Variants in RUNX1 observed in about 807,000 individuals in gnomAD.
RUNX1 encodes RUNX family transcription factor 1.
In RUNX1, 19 loss-of-function variants were observed where a neutral mutation model predicts 42.8. That is an observed-to-expected ratio of 0.44 (90% confidence interval 0.31 to 0.65). The LOEUF is 0.65. Ranked by LOEUF, RUNX1 falls within the 30% of genes least tolerant of loss-of-function variation. The pLI is 0.07. For missense variants in RUNX1, 528 were observed against 672.0 expected, an observed-to-expected ratio of 0.79 and a Z score of 2.37; for synonymous variants, 271 against 289.4, an observed-to-expected ratio of 0.94 and a Z score of 0.64.
intron 2 of RUNX1, among the ~76,000 whole-genome samples, chr21:34,947,111 T>C (rs893780654): frequency 6.6e-6 from 1 of 152,230 alleles, no homozygotes; most frequent in African/African-American, 2.4e-5. Flanking sequence ...CAATGACTGT[T>C]CTCCCTGGCT....
rs183382497 is a variant in RUNX1, at chr21:34,939,483, C to T, written c.59-46520G>A. ...AGTTACACGTTCATAGCAGAAAACACGTAAGAGAGAGTTTGCCCAGGCAAA... is the reference window on the plus strand; with the variant it reads ...AGTTACACGTTCATAGCAGAAAACATGTAAGAGAGAGTTTGCCCAGGCAAA... On this transcript the variant is annotated intron_variant, in intron 2 of 8. Transcript: ENST00000675419. 2.6e-3 allele frequency among the ~76,000 whole-genome samples: 398 copies of T among 152,218 alleles called. 1 individual carries two copies. Among genetic ancestry groups the T allele is most frequent in the Non-Finnish European group, 4.6e-3 (310 of 67,988 alleles).
chr21:34,836,664 C>T (rs1319011606), intron 6 of RUNX1, among the ~76,000 whole-genome samples: 2 of 152,204 alleles, frequency 1.3e-5, no homozygotes, highest in Non-Finnish European at 2.9e-5. Context: ...CTATCTGCCT[C>T]AGAAATAATG....
intron 2 of RUNX1, among the ~76,000 whole-genome samples, chr21:35,022,706 C>T (rs2059207682): frequency 6.6e-6 from 1 of 151,956 alleles, no homozygotes. Flanking sequence ...ACCAGCCCAG[C>T]CAACATGGTG....
chr21:34,958,274 A>G (rs1218207476), intron 2 of RUNX1, among the ~76,000 whole-genome samples: 2 of 152,170 alleles, frequency 1.3e-5, no homozygotes, highest in Non-Finnish European at 2.9e-5. Flanking sequence ...CTCAGTGAAC[A>G]TTCGTAAAAT....
intron 2 of RUNX1, among the ~76,000 whole-genome samples, chr21:35,001,521 A>AGG (rs2059044084): frequency 6.6e-6 from 1 of 152,158 alleles, no homozygotes; most frequent in Non-Finnish European, 1.5e-5. Context: ...GCTCATATAT[A>AGG]GAAACCCACA....
chr21:34,872,079 G>A lies in RUNX1; in HGVS notation c.508+8478C>T, dbSNP rs148255271. On this transcript the variant is annotated intron_variant, in intron 5 of 8. Transcript: ENST00000675419. ...AGCTGGTCTCAAACTCCTGACCTCA[G>A]ATGATCCTCCTGCCTTGGCCTCCTA... Among the ~76,000 whole-genome samples, 1,467 of 152,172 alleles carry A rather than the reference G, an allele frequency of 9.6e-3. 23 individuals carry two copies. Among genetic ancestry groups the A allele is most frequent in the African/African-American group, 0.033 (1,376 of 41,510 alleles).
intron 2 of RUNX1, among the ~76,000 whole-genome samples, chr21:35,041,389 A>G (rs750844820): frequency 2.0e-5 from 3 of 152,226 alleles, no homozygotes; most frequent in Non-Finnish European, 4.4e-5. Context: ...GCAAACTGAG[A>G]TTTCTATTTG....
chr21:34,798,008 C>T (rs1337606263), intron 8 of RUNX1: 1 of 456,494 alleles, frequency 2.2e-6, no homozygotes, highest in African/African-American at 2.0e-5. Context: ...AATAGTACTG[C>T]CGTTGTGAAG....
intron 5 of RUNX1, among the ~76,000 whole-genome samples, chr21:34,862,341 G>A (rs962405012): frequency 2.6e-5 from 4 of 152,176 alleles, no homozygotes; most frequent in Non-Finnish European, 5.9e-5. Flanking sequence ...GCAGGTCCAC[G>A]TGTGATTCTT....
chr21:34,812,228 C>T (rs1030587088), intron 7 of RUNX1, among the ~76,000 whole-genome samples: 9 of 152,166 alleles, frequency 5.9e-5, no homozygotes, highest in Admixed American at 3.9e-4. Flanking sequence ...CTTCTAAGTT[C>T]CCCTGCTGCA....
At chr21:34,835,193 C>T (rs943678625) in intron 6 of RUNX1, among the ~76,000 whole-genome samples, 7 of 152,002 alleles carry the variant, frequency 4.6e-5, no homozygotes, top group Non-Finnish European at 8.8e-5. Flanking sequence ...CCCCTCAGCC[C>T]CTCTCCCTCT....
intron 8 of RUNX1, among the ~76,000 whole-genome samples, chr21:34,795,051 A>G (rs1383793360): frequency 2.0e-5 from 3 of 152,178 alleles, no homozygotes. Flanking sequence ...TCCTCTTTAT[A>G]TCAGCAAATC....
At chr21:34,986,026 C>A (rs9978268) in intron 2 of RUNX1, among the ~76,000 whole-genome samples, 3,240 of 152,054 alleles carry the variant, frequency 0.021, 114 homozygotes, top group African/African-American at 0.074. Context: ...GCATGCACCA[C>A]TACACTGGGC....
chr21:34,894,918 CACACACACACAT>C (rs1183759514), intron 2 of RUNX1, among the ~76,000 whole-genome samples: 1,887 of 144,554 alleles, frequency 0.013, 48 homozygotes, highest in African/African-American at 0.05. Context: ...CACACACACA[CACACACACACAT>C]ATTCATATCT....
intron 2 of RUNX1, among the ~76,000 whole-genome samples, chr21:35,045,131 G>T (rs1280548621): frequency 6.6e-6 from 1 of 152,118 alleles, no homozygotes; most frequent in African/African-American, 2.4e-5. Context: ...ATTTTCTACA[G>T]TTTCTTAGCG....
intron 2 of RUNX1, among the ~76,000 whole-genome samples, chr21:34,993,188 C>T (rs1029799573): frequency 2.6e-5 from 4 of 152,128 alleles, no homozygotes; most frequent in Non-Finnish European, 4.4e-5. Flanking sequence ...TTTAAACTTC[C>T]CAGAGCAGAA....
At chr21:34,877,614 G>T (rs1247529191) in intron 5 of RUNX1, among the ~76,000 whole-genome samples, 1 of 152,228 alleles carries the variant, frequency 6.6e-6, no homozygotes, top group Non-Finnish European at 1.5e-5. Context: ...AAAGAGAGAA[G>T]GTTCAGGCTT....
At chr21:35,002,617 G>A (rs886138825) in intron 2 of RUNX1, among the ~76,000 whole-genome samples, 12 of 151,754 alleles carry the variant, frequency 7.9e-5, no homozygotes, top group African/African-American at 2.7e-4. Context: ...TAGTAGAGAC[G>A]GGGTTTCACC....
intron 7 of RUNX1, among the ~76,000 whole-genome samples, chr21:34,810,365 AT>A (rs2056742410): frequency 6.6e-6 from 1 of 152,210 alleles, no homozygotes; most frequent in South Asian, 2.1e-4. Flanking sequence ...GAGGCATGGC[AT>A]TCTAATAAAA....
Sources: allele counts gnomAD v4.1 joint callset (sites outside exome capture counted in the v4.1 genomes callset), GRCh38; gene constraint gnomAD v4.1.1; transcripts MANE v1.5; gene names NCBI Gene and HGNC (gene_info 2026-07-23, HGNC 2026-07-21).